The following ADCY7 variants were observed in gnomAD, a reference collection of about 807,000 sequenced individuals.
The protein encoded by ADCY7 is adenylate cyclase 7.
A neutral mutation model predicts 120.6 loss-of-function variants in ADCY7; 72 were observed. That is an observed-to-expected ratio of 0.60 (90% confidence interval 0.49 to 0.73). The LOEUF (loss-of-function observed/expected upper bound fraction) is 0.73. ADCY7 is among the 30% of genes least tolerant of loss of function. ADCY7 has a pLI of 0.00. For synonymous variants in ADCY7, 661 were observed against 628.0 expected (o/e 1.05, Z -0.78); for missense variants, 1,227 against 1,486.0 (o/e 0.83, Z 2.87).
chr16:50,306,289 G>A (rs973017014), intron 14 of ADCY7, among the ~76,000 whole-genome samples: 2 of 150,294 alleles, frequency 1.3e-5, no homozygotes, highest in African/African-American at 5.0e-5. Flanking sequence ...CAGCATCCTC[G>A]GCACCCACAT....
intron 18 of ADCY7, 35 bp downstream of exon 18, chr16:50,309,681 C>A: frequency 6.4e-7 from 1 of 1,571,592 alleles, no homozygotes; most frequent in Non-Finnish European, 8.6e-7. Flanking sequence ...TGGCCTCATT[C>A]AGAGTGGGGC....
At chr16:50,303,718 C>T (rs941953329) in intron 10 of ADCY7, among the ~76,000 whole-genome samples, 3 of 152,124 alleles carry the variant, frequency 2.0e-5, no homozygotes, top group South Asian at 2.1e-4. Flanking sequence ...CTCGCAGGCA[C>T]GTGGCAGGTC....
intron 3 of ADCY7, 24 bp downstream of exon 3, chr16:50,290,684 G>A (rs906164818): frequency 6.2e-7 from 1 of 1,601,122 alleles, no homozygotes; most frequent in Non-Finnish European, 8.5e-7. Context: ...TGGACTCCCT[G>A]CCAGCTGCGC....
At chr16:50,265,630 G>C (rs1026063924), upstream of ADCY7, among the ~76,000 whole-genome samples, 1 of 152,242 alleles carries the variant, frequency 6.6e-6, no homozygotes, top group African/African-American at 2.4e-5. Context: ...CAGCACAGAG[G>C]TGCTGTGATG....
intron 17 of ADCY7, chr16:50,309,082 T>G: frequency 5.5e-6 from 2 of 365,712 alleles, no homozygotes; most frequent in Non-Finnish European, 9.9e-6. Context: ...GAGACTCAGT[T>G]TCCCCTCTCA....
At chr16:50,246,813 G>A (rs1295008694) in intron 1 of ADCY7, among the ~76,000 whole-genome samples, 3 of 152,244 alleles carry the variant, frequency 2.0e-5, no homozygotes, top group Non-Finnish European at 2.9e-5. Flanking sequence ...AGCCGACCCC[G>A]GGTAGGGGAG....
chr16:50,295,046 C>T (rs934687614), intron 7 of ADCY7, among the ~76,000 whole-genome samples: 1 of 152,136 alleles, frequency 6.6e-6, no homozygotes, highest in East Asian at 1.9e-4. Flanking sequence ...GGAGATGGCT[C>T]CATCCTCACT....
At chr16:50,313,311 T>G in intron 22 of ADCY7, 1 of 317,778 alleles carries the variant, frequency 3.1e-6, no homozygotes, top group South Asian at 3.1e-5. Context: ...TCCCAGCTAC[T>G]TGGGAGGCTG....
intron 1 of ADCY7, among the ~76,000 whole-genome samples, chr16:50,275,789 C>T (rs768957692): frequency 1.3e-5 from 2 of 152,156 alleles, no homozygotes; most frequent in Non-Finnish European, 2.9e-5. Context: ...GGCCTGGGTT[C>T]GAATCCTAGC....
chr16:50,304,491 C>T lies in ADCY7; in HGVS notation c.1500C>T (p.Leu500=). The part of the protein sequence containing the change: ...SWGAARPFAH[L]NHRESVSSGE... ...GGGCGGCACGGCCCTTTGCACATCT[C>T]AACCACCGTGAGAGCGTGAGCAGTG... The change falls in exon 11 of 26, where the codon CTC becomes CTT. Residue 500 remains leucine, a synonymous_variant. Coordinates refer to ENST00000673801, the MANE Select transcript of ADCY7 (RefSeq NM_001114.5). The T allele has an allele frequency of 6.2e-7, 1 of 1,607,638 alleles. No individual in the cohort carries two copies. The highest frequency in any genetic ancestry group is 8.5e-7 in the Non-Finnish European group (1 of 1,177,194).
rs947526461 is a variant in ADCY7, at chr16:50,291,207, G to A, written c.376-529G>A. Among the ~76,000 whole-genome samples the A allele has an allele frequency of 2.6e-5, 4 of 152,166 alleles. No homozygotes were observed. The East Asian group carries it at 7.7e-4, about 29-fold the overall frequency. On this transcript the variant is annotated intron_variant, in intron 3 of 25. Transcript: ENST00000673801. ...TAGCACACTCTGACCAGTGGGCCTG[G>A]GTCCTATGACAGCTCCTGTGGCTGG...
chr16:50,294,632 A>AAC lies in ADCY7; in HGVS notation c.837-8_837-7insAC. On this transcript the variant is annotated splice_region_variant and splice_polypyrimidine_tract_variant and intron_variant, in intron 6 of 25. Coordinates refer to ENST00000673801, the MANE Select transcript of ADCY7 (RefSeq NM_001114.5). ...CTGACACTCCCTCCCACCCTGCCCC[A>AAC]TCCCCAGCATCCTCTATGCGGACAT... The AAC allele has an allele frequency of 1.3e-5, 11 of 836,810 alleles. No homozygotes were observed. Among genetic ancestry groups the AAC allele is most frequent in the Non-Finnish European group, 2.0e-5 (10 of 504,768 alleles). The allele number at this position is 836,810 out of a possible 1,614,324, so 51.8% of individuals were successfully genotyped here.
At chr16:50,267,883 G>A (rs1158120650) in intron 1 of ADCY7, among the ~76,000 whole-genome samples, 1 of 152,186 alleles carries the variant, frequency 6.6e-6, no homozygotes, top group Non-Finnish European at 1.5e-5. Flanking sequence ...TGCAGCTCAG[G>A]AAGGCGTTTG....
Position 50,305,669 on chromosome 16 carries a change from C to A in ADCY7, c.1679+83C>A, listed in dbSNP as rs952253885. Reference sequence around the variant, plus strand: ...CTATATGGGCAGGCCCATCTCATACCCCATGCCTGGTGGCCCAGCCTTGTT... The same window carrying A: ...CTATATGGGCAGGCCCATCTCATACACCATGCCTGGTGGCCCAGCCTTGTT... On this transcript the variant is annotated intron_variant, in intron 13 of 25. Transcript: ENST00000673801. The A allele has an allele frequency of 8.6e-6, 13 of 1,506,536 alleles. No individual in the cohort carries two copies. The South Asian group carries it at 1.1e-4, about 13-fold the overall frequency. 93.3% of individuals were successfully genotyped at this position (1,506,536 alleles called of 1,614,324 possible).
chr16:50,282,128 G>A (rs1377185464), intron 1 of ADCY7, among the ~76,000 whole-genome samples: 1 of 152,220 alleles, frequency 6.6e-6, no homozygotes, highest in African/African-American at 2.4e-5. Flanking sequence ...AAGCAGCCCT[G>A]AGCCTGCTGA....
At chr16:50,304,712 C>T (rs1359773420) in intron 11 of ADCY7, among the ~76,000 whole-genome samples, 161 bp downstream of exon 11, 2 of 152,226 alleles carry the variant, frequency 1.3e-5, no homozygotes, top group Non-Finnish European at 2.9e-5. Flanking sequence ...GAAGCAAAGA[C>T]ATTTGGAGAA....
intron 12 of ADCY7, 118 bp downstream of exon 12, chr16:50,305,077 A>G (rs2035972344): frequency 1.5e-6 from 2 of 1,345,686 alleles, no homozygotes; most frequent in Admixed American, 3.5e-5. Context: ...ACCTCTGTGA[A>G]GTTGGCCAGG....
At chr16:50,314,842 C>T in intron 24 of ADCY7, 172 bp from the exon 25 acceptor site, 1 of 816,140 alleles carries the variant, frequency 1.2e-6, no homozygotes. Context: ...GAATGCCCTC[C>T]TCATACCCCA....
chr16:50,292,812 A>G lies in ADCY7; in HGVS notation c.674A>G (p.Glu225Gly). The G allele has an allele frequency of 6.2e-7, 1 of 1,613,432 alleles. No homozygotes were observed. The highest frequency in any genetic ancestry group is 2.2e-5 in the East Asian group (1 of 44,882). Residue 225 changes from glutamate to glycine, a missense_variant, in exon 5 of 26, where the codon GAG (glutamate) becomes GGG (glycine). Transcript: ENST00000673801. ...CAGATCCGCCGGAAGCTGCGCATCG[A>G]GAAGCGCCAGCAGGTGGGACCCGGC... Reference protein sequence around the residue: ...CIQIRRKLRIEKRQQENLLLS... With the variant: ...CIQIRRKLRIGKRQQENLLLS...
Sources: allele counts gnomAD v4.1 joint callset (sites outside exome capture counted in the v4.1 genomes callset), GRCh38; gene constraint gnomAD v4.1.1; transcripts MANE v1.5; gene names NCBI Gene and HGNC (gene_info 2026-07-23, HGNC 2026-07-21).